The following DNHD1 variants were observed in gnomAD, a reference collection of about 807,000 sequenced individuals.
DNHD1 encodes the protein dynein heavy chain domain-containing protein 1.
DNHD1 carries 383 observed loss-of-function variants against 458.1 expected under a neutral mutation model. That is an observed-to-expected ratio of 0.84 (90% CI 0.77 to 0.91). DNHD1 has a LOEUF of 0.91. DNHD1 is among the 40% of genes least tolerant of loss of function. The pLI, the probability that DNHD1 is intolerant of heterozygous loss-of-function variation, is 0.00. For synonymous variants in DNHD1, 2,203 were observed against 2,376.9 expected (o/e 0.93, Z 2.13); for missense variants, 5,336 against 5,866.1 (o/e 0.91, Z 2.95).
In DNHD1 at chr11:6,544,760, G is replaced by A. The variant is rs753255230; in HGVS notation, c.3853-32G>A. 4.5e-6 allele frequency: 7 copies of A among 1,543,084 alleles called. No homozygotes were observed. The African/African-American group carries it at 8.2e-5, about 18-fold the overall frequency. On this transcript the variant is annotated intron_variant, in intron 20 of 42. Coordinates refer to ENST00000254579, the MANE Select transcript of DNHD1 (RefSeq NM_144666.3). Reference sequence around the variant, plus strand: ...GAAAGGGGAGCTGCCACTTCATATTGGCCCTCACTTTTATCCTCTCCCTCA... The same window carrying A: ...GAAAGGGGAGCTGCCACTTCATATTAGCCCTCACTTTTATCCTCTCCCTCA...
At chr11:6,539,439 G>T in intron 17 of DNHD1, 126 bp downstream of exon 17, 1 of 703,926 alleles carries the variant, frequency 1.4e-6, no homozygotes, top group Non-Finnish European at 2.4e-6. Flanking sequence ...CCTGCCTGAA[G>T]GGCAGGAACA....
chr11:6,534,201 A>G, intron 14 of DNHD1, 28 bp downstream of exon 14: 2 of 1,545,760 alleles, frequency 1.3e-6, no homozygotes, highest in Non-Finnish European at 1.7e-6. Context: ...ACCCTCCATT[A>G]TCACTCTGTG....
chr11:6,544,806 G>A lies in DNHD1; in HGVS notation c.3867G>A (p.Lys1289=), dbSNP rs1276074582. ...CCTCACCACAGAACTCTCGTTTCAA[G>A]GTCATGGATGACCAGTATCGAACCC... is the stretch of plus-strand genomic sequence containing the variant. The part of the protein sequence containing the change: ...FPNADLNSRF[K]VMDDQYRTLM... The change falls in exon 21 of 43, where the codon AAG becomes AAA. Residue 1289 remains lysine (K), a synonymous_variant. Coordinates refer to ENST00000254579, the MANE Select transcript of DNHD1 (RefSeq NM_144666.3). 31 of 1,551,094 alleles carry A rather than the reference G, an allele frequency of 2.0e-5. No individual in the cohort carries two copies. Among genetic ancestry groups the A allele is most frequent in the African/African-American group, 2.7e-5 (2 of 73,020 alleles).
rs1279106899 is a variant in DNHD1, at chr11:6,498,463, A to G, written c.248A>G (p.Tyr83Cys). ...GACAGTAGCCCTGCAGCTTGGCGCT[A>G]TCTTCATGCAGTACTGGGTCTACTG... Reference protein sequence around the residue: ...LQDSSPAAWRYLHAVLGLLPP... With the variant: ...LQDSSPAAWRCLHAVLGLLPP... Residue 83 changes from tyrosine to cysteine, a missense_variant, in exon 3 of 43, where the codon TAT (tyrosine) becomes TGT (cysteine). Physicochemically the swap from Tyr to Cys is radical, Grantham distance 194. Transcript: ENST00000254579. 8 of 1,614,180 alleles carry G rather than the reference A, an allele frequency of 5.0e-6. No individual in the cohort carries two copies. Among genetic ancestry groups the G allele is most frequent in the South Asian group, 4.4e-5 (4 of 91,088 alleles).
chr11:6,563,238 TG>T, intron 29 of DNHD1, 107 bp downstream of exon 29: 10 of 1,528,630 alleles, frequency 6.5e-6, no homozygotes, highest in African/African-American at 1.4e-5. Flanking sequence ...TGGAATCTCC[TG>T]GGGGGAGGGG....
chr11:6,512,371 C>T (rs1377607880), intron 7 of DNHD1, among the ~76,000 whole-genome samples: 1 of 148,050 alleles, frequency 6.8e-6, no homozygotes, highest in African/African-American at 2.6e-5. Flanking sequence ...CAGGCACCCA[C>T]CACCATGCCC....
chr11:6,507,211 G>T (rs1228562376), intron 4 of DNHD1, among the ~76,000 whole-genome samples: 1 of 152,132 alleles, frequency 6.6e-6, no homozygotes, highest in Non-Finnish European at 1.5e-5. Flanking sequence ...CTTGATAAAC[G>T]GTTTAACTAA....
rs1440431437 is a variant in DNHD1 at position 6,558,271 on chromosome 11, C to T, written c.8976C>T (p.Asn2992=). 1 of 1,551,366 alleles carries T rather than the reference C, an allele frequency of 6.4e-7. No individual in the cohort carries two copies. The highest frequency in any genetic ancestry group is 1.4e-5 in the African/African-American group (1 of 73,056). Residue 2992 remains asparagine, a synonymous_variant, in exon 25 of 43, where the codon AAC becomes AAT. Transcript: ENST00000254579. ...GGGAGAACCTTGGTGTCAAACAGAA[C>T]ATCAAGAAGGAAATGGTGTTGCAGA... ...LPRENLGVKQ[N]IKKEMVLQRF...
chr11:6,558,281 G>T lies in DNHD1; in HGVS notation c.8986G>T (p.Glu2996Ter). 1 of 1,551,298 alleles carries T rather than the reference G, an allele frequency of 6.4e-7. No individual in the cohort carries two copies. Residue 2996 changes from glutamate (E) to a stop codon, truncating the protein, a stop_gained, in exon 25 of 43, where the codon GAA becomes TAA. Transcript: ENST00000254579. LOFTEE classifies it high-confidence loss of function. Reference protein sequence around the residue: ...NLGVKQNIKKEMVLQRFHQQV... With the variant: ...NLGVKQNIKK ...TGGTGTCAAACAGAACATCAAGAAG[G>T]AAATGGTGTTGCAGAGGTGAGGCCA...
chr11:6,547,173 CG>C lies in DNHD1; in HGVS notation c.6237del (p.Ile2080SerfsTer5). Reference protein sequence around the residue: ...GQKRQTEESIGIQHWIICDGA... With the variant: ...GQKRQTEESIXIQHWIICDGA... ...AAAAGAGGCAGACAGAGGAATCAATCGGGATCCAGCACTGGATAATATGTGA... is the reference window on the plus strand; with the variant it reads ...AAAAGAGGCAGACAGAGGAATCAATCGGATCCAGCACTGGATAATATGTGA... On this transcript the variant is annotated frameshift_variant, in exon 21 of 43. Coordinates refer to ENST00000254579, the MANE Select transcript of DNHD1 (RefSeq NM_144666.3). LOFTEE classifies it high-confidence loss of function. 5.8e-6 allele frequency: 9 copies of C among 1,551,742 alleles called. No individual in the cohort carries two copies. Among genetic ancestry groups the C allele is most frequent in the Non-Finnish European group, 6.1e-6 (7 of 1,146,990 alleles).
rs563619313 is a variant in DNHD1 at position 6,547,827 on chromosome 11, C to A, written c.6728-36C>A. 1.2e-5 allele frequency: 18 copies of A among 1,548,198 alleles called. No individual in the cohort carries two copies. In the African/African-American group the frequency reaches 2.3e-4, roughly 20 times the overall value. ...TTCTTTCACCTTCCACCTTTTTCTA[C>A]TGGGGCTCCTCTCGTGGCCATGGCA... On this transcript the variant is annotated intron_variant, in intron 21 of 42. Coordinates refer to ENST00000254579, the MANE Select transcript of DNHD1 (RefSeq NM_144666.3).
rs768041910 is a variant in DNHD1, at chr11:6,571,991, G to T, written c.*5G>T. 24 of 1,591,250 alleles carry T rather than the reference G, an allele frequency of 1.5e-5. No homozygotes were observed. The highest frequency in any genetic ancestry group is 1.9e-5 in the Non-Finnish European group (22 of 1,164,902). On this transcript the variant is annotated 3_prime_UTR_variant, in exon 43 of 43. Coordinates refer to ENST00000254579, the MANE Select transcript of DNHD1 (RefSeq NM_144666.3). This position sits in a 1 kb window ranked among gnomAD's most constrained non-coding sequence, Gnocchi z 5.0. ...TGCAGCCCACCCCTGTCTTGAGCCC[G>T]TCTACCAAAATAAAGTTGTAGTGAT...
rs1220187896 is a variant in DNHD1, at chr11:6,557,186, G to A, written c.7891G>A (p.Gly2631Ser). 6.4e-7 allele frequency: 1 copy of A among 1,551,724 alleles called. No homozygotes were observed. Among genetic ancestry groups the A allele is most frequent in the Non-Finnish European group, 8.7e-7 (1 of 1,147,010 alleles). ...EHLRRVSGLR[G>S]TCLTVMMATR... is the part of the protein sequence containing the mutation. ...CTTGCGCCGGGTGTCAGGCCTGCGAGGCACTTGTCTGACCGTTATGATGGC... is the reference window on the plus strand; with the variant it reads ...CTTGCGCCGGGTGTCAGGCCTGCGAAGCACTTGTCTGACCGTTATGATGGC... Residue 2631 changes from glycine to serine, a missense_variant, in exon 25 of 43, where the codon GGC (glycine) becomes AGC (serine). Gly to Ser is a moderately conservative substitution (Grantham distance 56, BLOSUM62 0). Around this residue, in one of 4 missense-constraint regions of DNHD1, gnomAD observed 3,932 missense variants for 4,365.6 expected, o/e 0.90. Coordinates refer to ENST00000254579, the MANE Select transcript of DNHD1 (RefSeq NM_144666.3).
At chr11:6,556,638 T>G (rs536305420) in intron 24 of DNHD1, 45 bp from the exon 25 acceptor site, 8 of 1,484,508 alleles carry the variant, frequency 5.4e-6, no homozygotes, top group South Asian at 2.7e-5. Flanking sequence ...GATACTCTCA[T>G]GTGGACTTTT....
Position 6,566,262 on chromosome 11 carries a change from A to G in DNHD1, c.11075A>G (p.Asn3692Ser), listed in dbSNP as rs551533145. Residue 3692 changes from asparagine to serine, a missense_variant, in exon 34 of 43, where the codon AAT becomes AGT. Asn to Ser is a conservative substitution (Grantham distance 46, BLOSUM62 1). This residue lies in a region of DNHD1 where 695 missense variants were observed against 804.2 expected (regional missense o/e 0.86). Coordinates refer to ENST00000254579, the MANE Select transcript of DNHD1 (RefSeq NM_144666.3). Reference protein sequence around the residue: ...AACGLPVLLTNVELGLGCEEL... With the variant: ...AACGLPVLLTSVELGLGCEEL... ...ACAGGCCTGCCTGTGTTACTGACCA[A>G]TGTGGAGCTGGGTCTAGGGTGCGAA... 7 of 1,551,634 alleles carry G rather than the reference A, an allele frequency of 4.5e-6. No individual in the cohort carries two copies. The highest frequency in any genetic ancestry group is 2.7e-5 in the African/African-American group (2 of 73,124).
intron 24 of DNHD1, among the ~76,000 whole-genome samples, chr11:6,554,611 T>C: frequency 6.6e-6 from 1 of 152,198 alleles, no homozygotes; most frequent in Admixed American, 6.5e-5. Context: ...ATCATCCCAA[T>C]GTTTTAAATG....
chr11:6,526,199 T>C (rs1033936627), intron 10 of DNHD1, among the ~76,000 whole-genome samples: 1 of 152,192 alleles, frequency 6.6e-6, no homozygotes, highest in African/African-American at 2.4e-5. Context: ...AAATTATCTG[T>C]CGAGTTTGTT....
At position 6,564,355 on chromosome 11, in the gene DNHD1, C is replaced by G. The variant is rs374531703; in HGVS notation, c.10307C>G (p.Thr3436Ser). 200 of 1,544,608 alleles carry G rather than the reference C, an allele frequency of 1.3e-4. No individual in the cohort carries two copies. The highest frequency in any genetic ancestry group is 1.7e-4 in the Non-Finnish European group (189 of 1,141,770). Residue 3436 changes from threonine (T) to serine (S), a missense_variant, in exon 32 of 43, where the codon ACT (threonine) becomes AGT (serine). Coordinates refer to ENST00000254579, the MANE Select transcript of DNHD1 (RefSeq NM_144666.3). Reference sequence around the variant, plus strand: ...CAGAAGCTGAAGGGACGCTGCATGACTGTGTTTGGAGATACCCTCCTATGT... The same window carrying G: ...CAGAAGCTGAAGGGACGCTGCATGAGTGTGTTTGGAGATACCCTCCTATGT... ...QLQKLKGRCM[T>S]VFGDTLLCSA...
chr11:6,511,454 G>A (rs747946308), intron 7 of DNHD1, 25 bp downstream of exon 7: 1 of 1,608,356 alleles, frequency 6.2e-7, no homozygotes, highest in South Asian at 1.1e-5. Context: ...GTTTATTGTG[G>A]ACCTCTTCCC....
Sources: gnomAD v4.1 joint callset for allele counts (sites outside exome capture counted in the v4.1 genomes callset) on GRCh38, gnomAD v4.1.1 for gene constraint, gnomAD v4.1.1 regional missense constraint, Gnocchi (gnomAD v3.1) non-coding constraint, MANE v1.5 for transcripts, NCBI Gene and HGNC (gene_info 2026-07-23, HGNC 2026-07-21) for gene names.